The following ACTR3C variants were observed in gnomAD, a reference collection of about 807,000 sequenced individuals.
ACTR3C encodes actin related protein 3C.
Under a neutral mutation model 26.3 loss-of-function variants are expected in ACTR3C, and 18 were observed. That is an observed-to-expected ratio of 0.68 (90% confidence interval 0.47 to 1.01). The LOEUF (loss-of-function observed/expected upper bound fraction) is 1.01, where lower values mean the gene tolerates loss of function less well. Ranked by LOEUF, ACTR3C falls within the 50% of genes least tolerant of loss-of-function variation. The pLI is 0.00. For synonymous variants in ACTR3C, 55 were observed against 94.5 expected, an observed-to-expected ratio of 0.58 and a Z score of 2.42; for missense variants, 184 against 250.7, an observed-to-expected ratio of 0.73 and a Z score of 1.80.
the ACTR3C span, among the ~76,000 whole-genome samples, chr7:150,215,918 T>A: frequency 1.3e-5 from 2 of 152,356 alleles, no homozygotes; most frequent in South Asian, 4.1e-4. Flanking sequence ...GTGTAATATA[T>A]ACACAGTTGT....
At chr7:149,898,688 C>T in the ACTR3C span, among the ~76,000 whole-genome samples, 1 of 151,226 alleles carries the variant, frequency 6.6e-6, no homozygotes, top group Non-Finnish European at 1.5e-5. Flanking sequence ...AGCCTGGCAA[C>T]AGAGCAAGAC....
the ACTR3C span, among the ~76,000 whole-genome samples, chr7:150,038,926 G>T: frequency 4.7e-5 from 5 of 106,578 alleles, 1 homozygote; most frequent in Non-Finnish European, 1.1e-4. Flanking sequence ...GCCAGGGGTG[G>T]AAGAGGGGAT....
chr7:149,920,360 G>A, the ACTR3C span, among the ~76,000 whole-genome samples: 1 of 151,528 alleles, frequency 6.6e-6, no homozygotes, highest in Admixed American at 6.6e-5. Flanking sequence ...AGGCTGGAGT[G>A]CAGTGGCGCA....
chr7:149,919,646 G>C, the ACTR3C span, among the ~76,000 whole-genome samples: 3 of 151,940 alleles, frequency 2.0e-5, no homozygotes, highest in African/African-American at 7.3e-5. Context: ...GAATTTAGTT[G>C]AGTCCATGCC....
At chr7:149,984,768 T>C in the ACTR3C span, among the ~76,000 whole-genome samples, 1 of 152,094 alleles carries the variant, frequency 6.6e-6, no homozygotes, top group Non-Finnish European at 1.5e-5. Context: ...ATTCCAATTA[T>C]TCCACCTTTC....
the ACTR3C span, among the ~76,000 whole-genome samples, chr7:150,082,238 G>T: frequency 6.0e-3 from 920 of 152,318 alleles, 10 homozygotes; most frequent in African/African-American, 0.021. Context: ...ATGACTTGGA[G>T]ACTAGTTGTA....
At chr7:149,886,532 T>G in the ACTR3C span, among the ~76,000 whole-genome samples, 1,891 of 152,166 alleles carry the variant, frequency 0.012, 39 homozygotes, top group African/African-American at 0.043. Flanking sequence ...CTCCAGATAC[T>G]AAAAAGTCTA....
chr7:150,299,461 T>G (rs1584963193), intron 1 of ACTR3C, among the ~76,000 whole-genome samples: 1 of 41,694 alleles, frequency 2.4e-5, no homozygotes, highest in African/African-American at 1.2e-4. Flanking sequence ...AGAGACCCCC[T>G]CTCAAAAAAA....
intron 6 of ACTR3C, among the ~76,000 whole-genome samples, chr7:150,267,252 C>T (rs1001859944): frequency 1.3e-5 from 2 of 152,226 alleles, no homozygotes; most frequent in East Asian, 1.9e-4. Flanking sequence ...CCATTATCTG[C>T]GGCTCACGCT....
the ACTR3C span, chr7:150,047,768 G>A: frequency 1.1e-5 from 17 of 1,508,894 alleles, no homozygotes; most frequent in Admixed American, 1.4e-4. Flanking sequence ...GCCCCTGGCC[G>A]CCCAGGAGGT....
the ACTR3C span, among the ~76,000 whole-genome samples, chr7:150,194,337 TTATCAGAGGCAAAAGTCTTTTA>T: frequency 4.1e-5 from 6 of 147,758 alleles, no homozygotes; most frequent in Admixed American, 2.7e-4. Flanking sequence ...ACAAGAAAAA[TTATCAGAGGCAAAAGTCTTTTA>T]TATCAGAGGC....
chr7:150,089,196 T>G, the ACTR3C span, among the ~76,000 whole-genome samples: 2 of 152,236 alleles, frequency 1.3e-5, no homozygotes, highest in African/African-American at 4.8e-5. Context: ...GAATTTTTTG[T>G]ACTCCCTATT....
At chr7:149,955,706 T>G in the ACTR3C span, among the ~76,000 whole-genome samples, 1 of 152,138 alleles carries the variant, frequency 6.6e-6, no homozygotes, top group Non-Finnish European at 1.5e-5. Flanking sequence ...TTTCTAAAAT[T>G]GAATATCCTT....
the ACTR3C span, among the ~76,000 whole-genome samples, chr7:150,051,472 G>A: frequency 0.011 from 1,633 of 148,840 alleles, no homozygotes; most frequent in African/African-American, 0.038. Context: ...GTAGTGGTTC[G>A]GAAGGAAACA....
At chr7:149,886,617 G>A in the ACTR3C span, among the ~76,000 whole-genome samples, 1 of 152,170 alleles carries the variant, frequency 6.6e-6, no homozygotes, top group Admixed American at 6.5e-5. Context: ...GACGACTCAA[G>A]GGGAGAAAAT....
the ACTR3C span, among the ~76,000 whole-genome samples, chr7:150,036,544 G>A: frequency 2.8e-5 from 4 of 144,604 alleles, no homozygotes; most frequent in Non-Finnish European, 4.7e-5. Context: ...CATTTCAAAA[G>A]TTCCGGGTCC....
At chr7:149,913,452 A>G in the ACTR3C span, among the ~76,000 whole-genome samples, 4 of 152,074 alleles carry the variant, frequency 2.6e-5, no homozygotes, top group East Asian at 1.9e-4. Context: ...ATGTTTACCT[A>G]TTAGTTACAG....
chr7:150,221,268 G>GT, the ACTR3C span, among the ~76,000 whole-genome samples: 58 of 146,610 alleles, frequency 4.0e-4, no homozygotes, highest in Non-Finnish European at 6.6e-4. Context: ...CTTCCCAAGA[G>GT]TTTTTTTTTC....
the ACTR3C span, among the ~76,000 whole-genome samples, chr7:150,075,867 G>A: frequency 2.0e-5 from 3 of 152,180 alleles, no homozygotes; most frequent in Non-Finnish European, 4.4e-5. Context: ...GGAGGAGAAA[G>A]GTGGCAGCAT....
Sources: allele counts gnomAD v4.1 joint callset (sites outside exome capture counted in the v4.1 genomes callset), GRCh38; gene constraint gnomAD v4.1.1; transcripts MANE v1.5; gene names NCBI Gene and HGNC (gene_info 2026-07-23, HGNC 2026-07-21).